Variants in ADAMTSL1 observed in about 807,000 individuals in gnomAD.
The protein encoded by ADAMTSL1 is ADAMTS like 1, also known as ADAMTS-like protein 1.
ADAMTSL1 carries 126 observed loss-of-function variants against 201.8 expected under a neutral mutation model. The observed-to-expected ratio is 0.62, with a 90% CI of 0.54 to 0.72. The LOEUF (loss-of-function observed/expected upper bound fraction) is 0.72, where lower values mean the gene tolerates loss of function less well. ADAMTSL1 is among the 30% of genes least tolerant of loss of function. The pLI is 0.00. For synonymous variants in ADAMTSL1, 1,121 were observed against 903.4 expected (o/e 1.24, Z -4.32); for missense variants, 2,679 against 2,277.8 (o/e 1.18, Z -3.59).
At chr9:18,283,940 GA>G (rs1832896073) in intron 2 of ADAMTSL1, among the ~76,000 whole-genome samples, 1 of 53,188 alleles carries the variant, frequency 1.9e-5, no homozygotes, top group Non-Finnish European at 4.1e-5. Flanking sequence ...AGAAGAAGAA[GA>G]AGAAGAAGGC....
chr9:17,933,774 A>G (rs953462094), intron 1 of ADAMTSL1, among the ~76,000 whole-genome samples: 1 of 152,146 alleles, frequency 6.6e-6, no homozygotes, highest in Non-Finnish European at 1.5e-5. Flanking sequence ...AGAACTCACT[A>G]TCATGAGAAC....
chr9:18,540,651 C>A (rs1030977148), intron 3 of ADAMTSL1, among the ~76,000 whole-genome samples: 14 of 152,260 alleles, frequency 9.2e-5, no homozygotes, highest in African/African-American at 3.4e-4. Context: ...GCCCCTCACT[C>A]AGAGTGATGA....
intron 2 of ADAMTSL1, among the ~76,000 whole-genome samples, chr9:18,242,695 A>G (rs1382038674): frequency 6.6e-6 from 1 of 152,140 alleles, no homozygotes; most frequent in Non-Finnish European, 1.5e-5. Flanking sequence ...AAAAATCAGT[A>G]TCATTTTTAT....
chr9:18,470,651 T>C (rs1821170761), upstream of ADAMTSL1, among the ~76,000 whole-genome samples: 1 of 152,144 alleles, frequency 6.6e-6, no homozygotes, highest in Admixed American at 6.6e-5. Context: ...AAGAGACAGG[T>C]GGCTCCAGAG....
chr9:18,231,154 A>G (rs761669347), intron 2 of ADAMTSL1, among the ~76,000 whole-genome samples: 2 of 152,040 alleles, frequency 1.3e-5, no homozygotes, highest in Non-Finnish European at 2.9e-5. Context: ...CAGGGTAACT[A>G]CTTGGAAACT....
chr9:18,406,835 A>C (rs1818227527), intron 2 of ADAMTSL1, among the ~76,000 whole-genome samples: 1 of 152,206 alleles, frequency 6.6e-6, no homozygotes, highest in African/African-American at 2.4e-5. Context: ...CTGGTCTGAC[A>C]TTTAACAAAT....
chr9:18,853,471 G>C (rs1370368387), intron 23 of ADAMTSL1, among the ~76,000 whole-genome samples: 4 of 152,092 alleles, frequency 2.6e-5, no homozygotes. Context: ...TTCTGGGTGG[G>C]GCCACAGGAC....
In ADAMTSL1 at chr9:18,131,272, T is replaced by C. The variant is rs12005261; in HGVS notation, c.88-32590T>C. ...CACATTTTATGGTATAGTAGGTCACTTGGGGATTCTCTGAGAACAAGACCC... is the reference window on the plus strand; with the variant it reads ...CACATTTTATGGTATAGTAGGTCACCTGGGGATTCTCTGAGAACAAGACCC... On this transcript the variant is annotated intron_variant, in intron 1 of 29. Transcript: ENST00000680146. 6.8e-3 allele frequency among the ~76,000 whole-genome samples: 1,037 copies of C among 152,302 alleles called. 9 individuals are homozygous for C. The highest frequency in any genetic ancestry group is 0.024 in the African/African-American group (998 of 41,568).
At position 18,186,116 on chromosome 9, in the gene ADAMTSL1, A is replaced by G. The variant is rs868342070; in HGVS notation, c.207+22135A>G. Among the ~76,000 whole-genome samples, 7 of 152,284 alleles carry G rather than the reference A, an allele frequency of 4.6e-5. No individual in the cohort carries two copies. In the Middle Eastern group the frequency reaches 0.014, roughly 296 times the overall value. ...CACGTATTTCTGTGCAGCCTGGACA[A>G]CCTGGCCTCTGCTTCCAAGGAGAAA... is the stretch of plus-strand genomic sequence containing the variant. On this transcript the variant is annotated intron_variant, in intron 2 of 29. Coordinates refer to the ADAMTSL1 transcript ENST00000680146.
chr9:18,525,911 G>A (rs1487574272), intron 2 of ADAMTSL1, among the ~76,000 whole-genome samples: 10 of 152,176 alleles, frequency 6.6e-5, no homozygotes, highest in Non-Finnish European at 1.3e-4. Flanking sequence ...CGAGAAGAAC[G>A]TATATTCTGT....
chr9:18,741,961 A>C (rs777527164), intron 15 of ADAMTSL1, among the ~76,000 whole-genome samples: 16 of 152,090 alleles, frequency 1.1e-4, no homozygotes, highest in Non-Finnish European at 1.5e-4. Flanking sequence ...ATTTGATTGG[A>C]TTTACTGCCA....
At chr9:18,480,023 A>G (rs971387315) in intron 1 of ADAMTSL1, among the ~76,000 whole-genome samples, 1 of 152,240 alleles carries the variant, frequency 6.6e-6, no homozygotes, top group Admixed American at 6.5e-5. Flanking sequence ...GTTAATTAGA[A>G]TGAATCATTT....
chr9:18,574,902 A>G (rs534905933), intron 4 of ADAMTSL1, among the ~76,000 whole-genome samples: 2 of 152,218 alleles, frequency 1.3e-5, no homozygotes, highest in South Asian at 4.1e-4. Context: ...AAGGGTTTGT[A>G]TGTTTGTCAT....
At chr9:18,290,576 A>G (rs1833211814) in intron 2 of ADAMTSL1, among the ~76,000 whole-genome samples, 1 of 152,040 alleles carries the variant, frequency 6.6e-6, no homozygotes, top group East Asian at 1.9e-4. Flanking sequence ...GTGATGTAAA[A>G]GACCACAACA....
intron 3 of ADAMTSL1, among the ~76,000 whole-genome samples, chr9:18,547,208 A>G (rs1220806567): frequency 6.6e-6 from 1 of 152,172 alleles, no homozygotes; most frequent in Admixed American, 6.6e-5. Flanking sequence ...GGAAGAGAAT[A>G]AAGACAAAAA....
At chr9:18,047,942 T>C (rs1742235148) in intron 1 of ADAMTSL1, among the ~76,000 whole-genome samples, 1 of 151,774 alleles carries the variant, frequency 6.6e-6, no homozygotes, top group African/African-American at 2.4e-5. Context: ...CACCCAGAGG[T>C]CAAACTTGAA....
rs78805478 is a variant in ADAMTSL1 at position 18,009,011 on chromosome 9, G to A, written c.87+102089G>A. On this transcript the variant is annotated intron_variant, in intron 1 of 29. Coordinates refer to the ADAMTSL1 transcript ENST00000680146. ...GGTGAGCAGCAAGAATGACTATCAC[G>A]AGCTCCATGTCTCTTGCTGGTTACT... Among the ~76,000 whole-genome samples the A allele has an allele frequency of 8.4e-4, 127 of 152,020 alleles. 1 individual carries two copies. In the East Asian group the frequency reaches 0.023, roughly 28 times the overall value.
intron 18 of ADAMTSL1, among the ~76,000 whole-genome samples, chr9:18,776,279 G>A (rs1214433746): frequency 6.6e-6 from 1 of 152,158 alleles, no homozygotes; most frequent in East Asian, 1.9e-4. Context: ...ACACTTCTAG[G>A]CTGTCCTTAC....
intron 2 of ADAMTSL1, among the ~76,000 whole-genome samples, chr9:18,386,211 A>T (rs1227606899): frequency 6.6e-6 from 1 of 152,198 alleles, no homozygotes; most frequent in Non-Finnish European, 1.5e-5. Context: ...AACGAACTTG[A>T]AAATATACTG....
Sources: gnomAD v4.1 joint callset for allele counts (sites outside exome capture counted in the v4.1 genomes callset) on GRCh38, gnomAD v4.1.1 for gene constraint, MANE v1.5 for transcripts, NCBI Gene and HGNC (gene_info 2026-07-23, HGNC 2026-07-21) for gene names.